CTNNA2: variants seen among roughly 807,000 people sequenced by gnomAD.
The protein encoded by CTNNA2 is catenin alpha 2, also known as catenin alpha-2.
Under a neutral mutation model 101.0 loss-of-function variants are expected in CTNNA2, and 42 were observed. The ratio of observed to expected loss-of-function variants is 0.42; its 90% CI spans 0.32 to 0.54. The LOEUF (loss-of-function observed/expected upper bound fraction) is 0.54. Among genes scored for constraint, CTNNA2 ranks in the 20% least tolerant of loss-of-function variants. The pLI is 0.14. For missense variants in CTNNA2, 871 were observed against 1,223.1 expected, an observed-to-expected ratio of 0.71 and a Z score of 4.29; for synonymous variants, 450 against 456.4, an observed-to-expected ratio of 0.99 and a Z score of 0.18.
chr2:80,476,105 G>A (rs1000697736), intron 9 of CTNNA2, among the ~76,000 whole-genome samples: 1 of 152,036 alleles, frequency 6.6e-6, no homozygotes, highest in African/African-American at 2.4e-5. Flanking sequence ...AGAGAACTGA[G>A]CTAAATGTCA....
At chr2:79,825,069 G>A (rs1031778583) in intron 3 of CTNNA2, among the ~76,000 whole-genome samples, 8 of 152,102 alleles carry the variant, frequency 5.3e-5, no homozygotes, top group Non-Finnish European at 1.0e-4. Context: ...TGCATCTGTA[G>A]TCCTATCTAC....
rs1676657174 is a variant in CTNNA2 at position 79,588,734 on chromosome 2, C to T, written c.-5-62818C>T. 2.0e-5 allele frequency among the ~76,000 whole-genome samples: 3 copies of T among 151,974 alleles called. No individual in the cohort carries two copies. The South Asian group carries it at 6.2e-4, about 32-fold the overall frequency. On this transcript the variant is annotated intron_variant, in intron 1 of 18. Transcript: ENST00000402739. ...TCCATTCAAAAAAGTTTAGAGTTTC[C>T]TGTATTTATAGAGCACTTTTTCCAA...
At chr2:80,206,249 TA>T (rs1707525255) in intron 7 of CTNNA2, among the ~76,000 whole-genome samples, 1 of 152,248 alleles carries the variant, frequency 6.6e-6, no homozygotes. Context: ...TGTGTATTTT[TA>T]GAACACCATT....
intron 3 of CTNNA2, among the ~76,000 whole-genome samples, chr2:79,856,557 T>G (rs1681152119): frequency 6.6e-6 from 1 of 152,216 alleles, no homozygotes; most frequent in Admixed American, 6.5e-5. Flanking sequence ...TATACCCCTG[T>G]GTACACTCTG....
At chr2:79,884,669 C>T (rs73941337) in intron 6 of CTNNA2, among the ~76,000 whole-genome samples, 1,999 of 152,062 alleles carry the variant, frequency 0.013, 60 homozygotes, top group African/African-American at 0.046. Flanking sequence ...CATAAGTTCC[C>T]CGTCCTATTT....
chr2:80,616,040 A>T (rs973640662), intron 17 of CTNNA2, among the ~76,000 whole-genome samples: 1 of 151,638 alleles, frequency 6.6e-6, no homozygotes, highest in Admixed American at 6.6e-5. Context: ...ATCTTGTTTT[A>T]TTAGTTTTCT....
intron 2 of CTNNA2, among the ~76,000 whole-genome samples, chr2:79,205,219 G>A (rs1458479148): frequency 6.6e-6 from 1 of 152,138 alleles, no homozygotes; most frequent in East Asian, 1.9e-4. Flanking sequence ...ACACCATGCT[G>A]GAGAGACCAC....
intron 3 of CTNNA2, among the ~76,000 whole-genome samples, chr2:79,770,335 T>C (rs1299465247): frequency 6.6e-6 from 1 of 152,206 alleles, no homozygotes; most frequent in Non-Finnish European, 1.5e-5. Flanking sequence ...GGTCTCTAAA[T>C]TGCAGAAAAT....
intron 9 of CTNNA2, among the ~76,000 whole-genome samples, chr2:80,447,179 A>T (rs184168977): frequency 1.3e-5 from 2 of 152,302 alleles, no homozygotes; most frequent in Admixed American, 6.5e-5. Context: ...AATGATTAGT[A>T]GTCCAGATTT....
intron 2 of CTNNA2, among the ~76,000 whole-genome samples, chr2:79,270,385 A>G (rs1019124290): frequency 2.0e-5 from 3 of 151,848 alleles, no homozygotes; most frequent in Non-Finnish European, 4.4e-5. Context: ...TGCTAATGTC[A>G]GCCTTGATAT....
intron 7 of CTNNA2, among the ~76,000 whole-genome samples, chr2:80,025,857 G>A (rs75469234): frequency 2.5e-4 from 38 of 152,218 alleles, no homozygotes; most frequent in Non-Finnish European, 4.4e-4. Flanking sequence ...GCTGTGCTAT[G>A]AGCTGTGAGT....
At chr2:80,057,656 C>A (rs1697315775) in intron 7 of CTNNA2, among the ~76,000 whole-genome samples, 1 of 152,176 alleles carries the variant, frequency 6.6e-6, no homozygotes, top group South Asian at 2.1e-4. Context: ...AGCCTACGTT[C>A]TGAGCCCAGC....
chr2:80,131,380 G>A (rs1702406719), intron 7 of CTNNA2, among the ~76,000 whole-genome samples: 1 of 152,104 alleles, frequency 6.6e-6, no homozygotes, highest in African/African-American at 2.4e-5. Flanking sequence ...TTATCATTGA[G>A]GAAAGCTGGG....
chr2:79,657,611 C>T (rs1454270699), intron 2 of CTNNA2, among the ~76,000 whole-genome samples: 1 of 151,540 alleles, frequency 6.6e-6, no homozygotes, highest in Non-Finnish European at 1.5e-5. Context: ...GTTTAAGTCA[C>T]ATTCTAAAAC....
chr2:80,592,981 A>T (rs1696641294), intron 15 of CTNNA2, among the ~76,000 whole-genome samples: 1 of 152,052 alleles, frequency 6.6e-6, no homozygotes, highest in Admixed American at 6.6e-5. Flanking sequence ...CACGGGAAAG[A>T]CTCCAGATAC....
chr2:79,281,099 C>T (rs1037287457), intron 2 of CTNNA2, among the ~76,000 whole-genome samples: 3 of 152,046 alleles, frequency 2.0e-5, no homozygotes, highest in Non-Finnish European at 4.4e-5. Flanking sequence ...CACACACATC[C>T]TCATCTCAAG....
In CTNNA2 at chr2:79,457,006, C is replaced by T. The variant is rs1386196772; in HGVS notation, c.-134-48048C>T. On this transcript the variant is annotated intron_variant, in intron 4 of 21. Coordinates refer to the CTNNA2 transcript ENST00000466387. Reference sequence around the variant, plus strand: ...CACGAGGTCAGGAGATCGAGACCATCCTGGCTAACATGGTCAAACCCCGTC... The same window carrying T: ...CACGAGGTCAGGAGATCGAGACCATTCTGGCTAACATGGTCAAACCCCGTC... Among the ~76,000 whole-genome samples the T allele has an allele frequency of 7.9e-5, 12 of 152,090 alleles. No homozygotes were observed. In the South Asian group the frequency reaches 2.1e-3, roughly 26 times the overall value.
intron 7 of CTNNA2, among the ~76,000 whole-genome samples, chr2:80,336,404 C>A (rs1252959666): frequency 2.0e-5 from 3 of 152,110 alleles, no homozygotes; most frequent in Non-Finnish European, 2.9e-5. Context: ...AGCAACCCGC[C>A]CCCTCAATTT....
At chr2:79,524,232 C>CT (rs1278530259) in intron 1 of CTNNA2, among the ~76,000 whole-genome samples, 4 of 151,768 alleles carry the variant, frequency 2.6e-5, no homozygotes, top group African/African-American at 4.8e-5. Flanking sequence ...TTATTCAAGT[C>CT]TTTTTTGTGT....
Sources: gnomAD v4.1 joint callset for allele counts (sites outside exome capture counted in the v4.1 genomes callset) on GRCh38, gnomAD v4.1.1 for gene constraint, MANE v1.5 for transcripts, NCBI Gene and HGNC (gene_info 2026-07-23, HGNC 2026-07-21) for gene names.